The following ZCWPW2 variants were observed in gnomAD, a reference collection of about 807,000 sequenced individuals.
ZCWPW2 encodes the protein zinc finger CW-type and PWWP domain containing 2.
A neutral mutation model predicts 46.6 loss-of-function variants in ZCWPW2; 45 were observed. The observed-to-expected ratio is 0.96, with a 90% CI of 0.76 to 1.24. The LOEUF (loss-of-function observed/expected upper bound fraction) is 1.24, where lower values mean the gene tolerates loss of function less well. ZCWPW2 is among the 50% of genes most tolerant of loss of function. ZCWPW2 has a pLI of 0.00. For missense variants in ZCWPW2, 429 were observed against 403.9 expected (o/e 1.06, Z -0.53); for synonymous variants, 152 against 137.1 (o/e 1.11, Z -0.76).
chr3:28,453,269 C>G (rs1698294597), intron 4 of ZCWPW2, among the ~76,000 whole-genome samples: 1 of 152,200 alleles, frequency 6.6e-6, no homozygotes, highest in South Asian at 2.1e-4. Context: ...TATATGCTGA[C>G]TTCGCAGCAC....
intron 6 of ZCWPW2, among the ~76,000 whole-genome samples, chr3:28,511,804 C>G (rs140800074): frequency 2.6e-4 from 40 of 152,176 alleles, no homozygotes; most frequent in African/African-American, 9.4e-4. Context: ...ATTTACTTAT[C>G]TTCACTTCTT....
intron 1 of ZCWPW2, among the ~76,000 whole-genome samples, chr3:28,376,507 T>G (rs531224535): frequency 2.0e-5 from 3 of 152,240 alleles, no homozygotes; most frequent in South Asian, 4.1e-4. Flanking sequence ...GCGGTTTGTC[T>G]CTGTACTCAA....
intron 1 of ZCWPW2, among the ~76,000 whole-genome samples, chr3:28,364,304 C>T (rs1022405883): frequency 1.3e-5 from 2 of 150,742 alleles, no homozygotes; most frequent in African/African-American, 4.8e-5. Context: ...AAGACATAGA[C>T]ATATATAAAA....
chr3:28,511,776 C>T (rs554925279), intron 6 of ZCWPW2, among the ~76,000 whole-genome samples: 4 of 152,238 alleles, frequency 2.6e-5, no homozygotes, highest in African/African-American at 9.6e-5. Context: ...TTTAGATTTA[C>T]ATAATGTTCA....
chr3:28,485,081 T>C (rs377544991), intron 5 of ZCWPW2, among the ~76,000 whole-genome samples: 1 of 152,076 alleles, frequency 6.6e-6, no homozygotes, highest in Non-Finnish European at 1.5e-5. Context: ...CATCCCATGA[T>C]TGATAAGTTG....
chr3:28,491,012 G>T (rs977600955), intron 5 of ZCWPW2, among the ~76,000 whole-genome samples: 3 of 151,948 alleles, frequency 2.0e-5, no homozygotes, highest in Admixed American at 1.3e-4. Flanking sequence ...TATAAAATGT[G>T]GTCCCTGCTT....
chr3:28,499,245 C>CT (rs1559530615), intron 6 of ZCWPW2, among the ~76,000 whole-genome samples: 1 of 152,138 alleles, frequency 6.6e-6, no homozygotes, highest in Non-Finnish European at 1.5e-5. Context: ...AGTGGTTGAA[C>CT]TAATTTATAC....
intron 6 of ZCWPW2, among the ~76,000 whole-genome samples, chr3:28,496,322 T>C: frequency 6.6e-6 from 1 of 152,082 alleles, no homozygotes; most frequent in Non-Finnish European, 1.5e-5. Context: ...TTTTTAAAAA[T>C]AAACATTTAG....
intron 4 of ZCWPW2, among the ~76,000 whole-genome samples, chr3:28,444,387 C>G (rs1697901452): frequency 6.6e-6 from 1 of 152,146 alleles, no homozygotes; most frequent in Non-Finnish European, 1.5e-5. Context: ...GAGGCCATCA[C>G]TGTTGTCTCA....
intron 3 of ZCWPW2, among the ~76,000 whole-genome samples, chr3:28,422,992 G>A (rs1354135056): frequency 6.6e-6 from 1 of 152,014 alleles, no homozygotes; most frequent in Non-Finnish European, 1.5e-5. Flanking sequence ...TTGCCATCTT[G>A]TATATCTTCT....
chr3:28,506,510 T>G (rs1700282930), intron 6 of ZCWPW2, among the ~76,000 whole-genome samples: 1 of 152,048 alleles, frequency 6.6e-6, no homozygotes, highest in Non-Finnish European at 1.5e-5. Context: ...AATATTACAG[T>G]ATCTACCTGT....
chr3:28,358,935 A>G (rs1228793510), intron 1 of ZCWPW2, among the ~76,000 whole-genome samples: 1 of 152,072 alleles, frequency 6.6e-6, no homozygotes, highest in African/African-American at 2.4e-5. Flanking sequence ...CTGAAGTGAG[A>G]TAATGTGTAC....
At chr3:28,380,546 G>A (rs967987062) in intron 1 of ZCWPW2, among the ~76,000 whole-genome samples, 2 of 152,172 alleles carry the variant, frequency 1.3e-5, no homozygotes, top group African/African-American at 2.4e-5. Context: ...CATTGCTCTT[G>A]TCATGTCGTC....
chr3:28,483,187 A>G (rs560004137), intron 5 of ZCWPW2, among the ~76,000 whole-genome samples: 1 of 152,180 alleles, frequency 6.6e-6, no homozygotes, highest in Non-Finnish European at 1.5e-5. Flanking sequence ...CAGTGTCTAA[A>G]TTTACTTTTT....
At chr3:28,454,887 G>A in intron 4 of ZCWPW2, among the ~76,000 whole-genome samples, 1 of 152,080 alleles carries the variant, frequency 6.6e-6, no homozygotes, top group East Asian at 1.9e-4. Flanking sequence ...ATCTATCATT[G>A]ATGGGCATCC....
chr3:28,362,508 C>G (rs998016835), intron 1 of ZCWPW2, among the ~76,000 whole-genome samples: 1 of 152,084 alleles, frequency 6.6e-6, no homozygotes, highest in African/African-American at 2.4e-5. Flanking sequence ...AAGTGCATAT[C>G]AAATCCACAA....
intron 5 of ZCWPW2, among the ~76,000 whole-genome samples, chr3:28,481,912 C>G (rs555074463): frequency 1.3e-5 from 2 of 152,102 alleles, no homozygotes; most frequent in African/African-American, 4.8e-5. Context: ...CCTCACAATC[C>G]CTAAACACAC....
chr3:28,485,763 T>A (rs533941171), intron 5 of ZCWPW2, among the ~76,000 whole-genome samples: 1 of 152,300 alleles, frequency 6.6e-6, no homozygotes, highest in Non-Finnish European at 1.5e-5. Context: ...TTCATCCATC[T>A]GGGCCATTAA....
chr3:28,432,154 C>T (rs1697285656), intron 3 of ZCWPW2, among the ~76,000 whole-genome samples: 1 of 152,124 alleles, frequency 6.6e-6, no homozygotes, highest in Non-Finnish European at 1.5e-5. Context: ...GGACACAAAG[C>T]CTAACCATAT....
Sources: allele counts gnomAD v4.1 joint callset (sites outside exome capture counted in the v4.1 genomes callset), GRCh38; gene constraint gnomAD v4.1.1; transcripts MANE v1.5; gene names NCBI Gene and HGNC (gene_info 2026-07-23, HGNC 2026-07-21).